Variants in ZNF107 observed in about 807,000 individuals in gnomAD.
ZNF107 encodes the protein C2H2 type zinc-finger protein.
ZNF107 carries 19 observed loss-of-function variants against 12.3 expected under a neutral mutation model. The observed-to-expected ratio is 1.55, with a 90% CI of 1.08 to 2.27. The LOEUF (loss-of-function observed/expected upper bound fraction) is 2.27. Ranked by LOEUF, ZNF107 falls within the 30% of genes most tolerant of loss-of-function variation. The probability of loss-of-function intolerance (pLI) is 0.00; values close to 1 mark genes in which losing one functional copy is unlikely to be tolerated. For synonymous variants in ZNF107, 317 were observed against 330.5 expected (o/e 0.96, Z 0.44); for missense variants, 958 against 979.9 (o/e 0.98, Z 0.30).
At chr7:64,666,340 A>C in intron 1 of ZNF107, 55 bp downstream of exon 1, 1 of 1,596,934 alleles carries the variant, frequency 6.3e-7, no homozygotes, top group Admixed American at 1.7e-5. Context: ...GTTGGAACCG[A>C]TCGGAAGTGG....
chr7:64,704,434 C>A (rs1170513477), intron 3 of ZNF107, among the ~76,000 whole-genome samples: 1 of 151,946 alleles, frequency 6.6e-6, no homozygotes, highest in East Asian at 1.9e-4. Flanking sequence ...TTGGTAGAGA[C>A]AGGGTTTCAC....
intron 3 of ZNF107, among the ~76,000 whole-genome samples, chr7:64,696,187 G>A (rs1790280423): frequency 6.6e-6 from 1 of 151,974 alleles, no homozygotes; most frequent in Admixed American, 6.6e-5. Context: ...CAAGTAGCTG[G>A]GATTACAGGT....
At chr7:64,685,664 C>T (rs1051815544) in intron 1 of ZNF107, among the ~76,000 whole-genome samples, 1 of 152,150 alleles carries the variant, frequency 6.6e-6, no homozygotes, top group Admixed American at 6.5e-5. Context: ...TTGGCAAGTA[C>T]CCTAGGGGTG....
At chr7:64,677,378 G>A (rs907117849) in intron 1 of ZNF107, among the ~76,000 whole-genome samples, 2 of 151,378 alleles carry the variant, frequency 1.3e-5, no homozygotes, top group African/African-American at 4.8e-5. Flanking sequence ...TGCCATGTTG[G>A]TCAGGCTGGT....
Position 64,709,680 on chromosome 7 carries a change from T to C in ZNF107, c.*1024T>C, listed in dbSNP as rs1790819511. ...CCCTTATTGCACAGGAAAGCATTTATACTTCAGAAAGATTGTACAAATACA... is the reference window on the plus strand; with the variant it reads ...CCCTTATTGCACAGGAAAGCATTTACACTTCAGAAAGATTGTACAAATACA... On this transcript the variant is annotated 3_prime_UTR_variant, in exon 4 of 4. Transcript: ENST00000620827. 1 of 454,678 alleles carries C rather than the reference T, an allele frequency of 2.2e-6. No homozygotes were observed. Among genetic ancestry groups the C allele is most frequent in the Non-Finnish European group, 4.4e-6 (1 of 226,574 alleles). The allele number at this position is 454,678 out of a possible 1,614,324, so 28.2% of individuals were successfully genotyped here. A position where few individuals can be genotyped will look rare whatever the true frequency, so the allele number is the denominator to read the frequency against.
chr7:64,689,097 T>C (rs564948783), intron 1 of ZNF107, among the ~76,000 whole-genome samples: 3 of 152,304 alleles, frequency 2.0e-5, no homozygotes, highest in Admixed American at 6.5e-5. Context: ...CTTATATTCA[T>C]GTAGCTTCAG....
At chr7:64,694,902 A>G (rs1490962732) in intron 3 of ZNF107, among the ~76,000 whole-genome samples, 1 of 152,166 alleles carries the variant, frequency 6.6e-6, no homozygotes, top group Non-Finnish European at 1.5e-5. Flanking sequence ...TAGGCATTCT[A>G]TATTTACTAA....
At chr7:64,678,917 C>T (rs975259094) in intron 1 of ZNF107, 3 of 152,052 alleles carry the variant, frequency 2.0e-5, no homozygotes, top group Admixed American at 2.0e-4. Flanking sequence ...AAATATATTC[C>T]ACTATATTAA....
At chr7:64,670,851 A>G (rs1789194497) in intron 1 of ZNF107, among the ~76,000 whole-genome samples, 1 of 152,132 alleles carries the variant, frequency 6.6e-6, no homozygotes, top group Non-Finnish European at 1.5e-5. Flanking sequence ...AGCTTTATCA[A>G]ATTATTGAAC....
Position 64,686,489 on chromosome 7 carries a change from T to A in ZNF107, c.4-4759T>A, listed in dbSNP as rs1442421150. 6.1e-6 allele frequency: 6 copies of A among 985,002 alleles called. No homozygotes were observed. In the African/African-American group the frequency reaches 8.7e-5, roughly 14 times the overall value. 61.0% of individuals were successfully genotyped at this position (985,002 alleles called of 1,614,324 possible). A position where few individuals can be genotyped will look rare whatever the true frequency, so the allele number is the denominator to read the frequency against. ...AATTAGGAGTCCATGCCGCCCCAAG[T>A]CCCGCTCGAAGAATCCCTGAGAAAC... On this transcript the variant is annotated intron_variant, in intron 1 of 3. Coordinates refer to ENST00000620827, the MANE Select transcript of ZNF107 (RefSeq NM_001282359.2).
intron 1 of ZNF107, among the ~76,000 whole-genome samples, chr7:64,677,187 T>C (rs962097616): frequency 9.9e-5 from 15 of 152,118 alleles, no homozygotes; most frequent in Middle Eastern, 6.8e-3. Flanking sequence ...TTTTTTTTTT[T>C]TGAGATGGAG....
In ZNF107 at chr7:64,707,374, A is replaced by G. The variant is rs762237546; in HGVS notation, c.1277A>G (p.Lys426Arg). ...ATTCATACTGGAGAGAAACCCTACA[A>G]ATGTAAAGAATGTGGCAAAGCTTTT... ...KIIHTGEKPY[K>R]CKECGKAFNQ... The change falls in exon 4 of 4, where the codon AAA becomes AGA. Residue 426 changes from lysine to arginine, a missense_variant. Physicochemically the swap from Lys to Arg is conservative, Grantham distance 26. Transcript: ENST00000620827. The G allele has an allele frequency of 1.2e-6, 2 of 1,613,502 alleles. No individual in the cohort carries two copies. Among genetic ancestry groups the G allele is most frequent in the Admixed American group, 3.3e-5 (2 of 59,998 alleles).
At chr7:64,690,771 C>A (rs1019613084) in intron 1 of ZNF107, among the ~76,000 whole-genome samples, 6 of 151,766 alleles carry the variant, frequency 4.0e-5, no homozygotes, top group Non-Finnish European at 8.8e-5. Context: ...GAGACAGAGT[C>A]TCACTCTGTT....
intron 1 of ZNF107, chr7:64,679,116 CTATT>C: frequency 3.5e-6 from 3 of 854,776 alleles, no homozygotes; most frequent in Non-Finnish European, 4.2e-6. Context: ...AGCAGTGAGG[CTATT>C]TATTCACTTG....
chr7:64,703,253 C>T (rs1234864978), intron 3 of ZNF107, among the ~76,000 whole-genome samples: 7 of 152,114 alleles, frequency 4.6e-5, no homozygotes, highest in African/African-American at 1.7e-4. Context: ...ATGAATTAAC[C>T]ATATTCATTG....
At position 64,709,116 on chromosome 7, in the gene ZNF107, A is replaced by G; in HGVS notation, c.*460A>G. ...TACTATACAGAAATTCATACTGGAG[A>G]GAAAGCCTACAATTGTGAAGAATGT... is the stretch of plus-strand genomic sequence containing the variant. On this transcript the variant is annotated 3_prime_UTR_variant, in exon 4 of 4. Transcript: ENST00000620827. 2.1e-6 allele frequency: 1 copy of G among 466,890 alleles called. No individual in the cohort carries two copies. Among genetic ancestry groups the G allele is most frequent in the Non-Finnish European group, 4.3e-6 (1 of 231,652 alleles). The allele number at this position is 466,890 out of a possible 1,614,324, so 28.9% of individuals were successfully genotyped here.
At position 64,707,864 on chromosome 7, in the gene ZNF107, A is replaced by G; in HGVS notation, c.1767A>G (p.Lys589=). ...CTAGACATAAGATAGTTCATACTAAAGAGAAACTCAACAAATGTGAAGAAT... is the reference window on the plus strand; with the variant it reads ...CTAGACATAAGATAGTTCATACTAAGGAGAAACTCAACAAATGTGAAGAAT... ...QLTRHKIVHT[K]EKLNKCEEFG... is the part of the protein sequence containing the mutation. The change falls in exon 4 of 4, where the codon AAA becomes AAG. Residue 589 remains lysine (K), a synonymous_variant. Coordinates refer to ENST00000620827, the MANE Select transcript of ZNF107 (RefSeq NM_001282359.2). The G allele has an allele frequency of 6.2e-7, 1 of 1,613,726 alleles. No homozygotes were observed. The highest frequency in any genetic ancestry group is 1.1e-5 in the South Asian group (1 of 91,066).
At chr7:64,689,840 C>T (rs530419251) in intron 1 of ZNF107, 1 of 152,256 alleles carries the variant, frequency 6.6e-6, no homozygotes, top group Admixed American at 6.5e-5. Context: ...AATGAGACAT[C>T]CTGTGTTTGC....
At chr7:64,704,104 A>G (rs1027539504) in intron 3 of ZNF107, among the ~76,000 whole-genome samples, 2 of 151,094 alleles carry the variant, frequency 1.3e-5, no homozygotes, top group Non-Finnish European at 2.9e-5. Flanking sequence ...ATATATTTAT[A>G]TGTTGTATAT....
Sources: gnomAD v4.1 joint callset for allele counts (sites outside exome capture counted in the v4.1 genomes callset) on GRCh38, gnomAD v4.1.1 for gene constraint, MANE v1.5 for transcripts, NCBI Gene and HGNC (gene_info 2026-07-23, HGNC 2026-07-21) for gene names.